TTI1: variants seen among roughly 807,000 people sequenced by gnomAD.
TTI1 encodes the protein TELO2-interacting protein 1 homolog.
A neutral mutation model predicts 85.4 loss-of-function variants in TTI1; 52 were observed. That is an observed-to-expected ratio of 0.61 (90% CI 0.49 to 0.77). The LOEUF is 0.77. TTI1 is among the 30% of genes least tolerant of loss of function. The pLI, the probability that TTI1 is intolerant of heterozygous loss-of-function variation, is 0.00. For missense variants in TTI1, 1,173 were observed against 1,296.0 expected, an observed-to-expected ratio of 0.91 and a Z score of 1.46; for synonymous variants, 512 against 503.9, an observed-to-expected ratio of 1.02 and a Z score of -0.22.
chr20:37,987,150 C>A (rs1568606426), intron 7 of TTI1: 1 of 456,736 alleles, frequency 2.2e-6, no homozygotes, highest in East Asian at 6.9e-5. Context: ...GAGCCTGAGG[C>A]CCAGGAGGTC....
At chr20:38,027,313 T>A (rs1180412734) in intron 1 of TTI1, among the ~76,000 whole-genome samples, 1 of 152,180 alleles carries the variant, frequency 6.6e-6, no homozygotes, top group Non-Finnish European at 1.5e-5. Flanking sequence ...ACAATGCAAA[T>A]GTTATGTAAA....
intron 2 of TTI1, among the ~76,000 whole-genome samples, chr20:38,006,700 G>A (rs1454183138): frequency 6.6e-6 from 1 of 152,154 alleles, no homozygotes; most frequent in African/African-American, 2.4e-5. Context: ...GAACTTGCCC[G>A]ATAAGGCCCT....
chr20:38,006,421 T>G, intron 2 of TTI1, 24 bp from the exon 3 acceptor site: 3 of 1,613,318 alleles, frequency 1.9e-6, no homozygotes, highest in Non-Finnish European at 2.5e-6. Context: ...GTTACAATGA[T>G]CACCTTGGCT....
Position 38,011,751 on chromosome 20 carries a change from TGC to T in TTI1, c.2064_2065del (p.His689ProfsTer40). The T allele has an allele frequency of 6.2e-7, 1 of 1,614,164 alleles. No individual in the cohort carries two copies. Among genetic ancestry groups the T allele is most frequent in the South Asian group, 1.1e-5 (1 of 91,090 alleles). Reference sequence around the variant, plus strand: ...ATAGTCTGAATTTTGATTGATCAGGTGCTGCAGGGAGTCGTAGCCACAAGCAC... The same window carrying T: ...ATAGTCTGAATTTTGATTGATCAGGTTGCAGGGAGTCGTAGCCACAAGCAC... On this transcript the variant is annotated frameshift_variant, in exon 2 of 8. Coordinates refer to ENST00000373447, the MANE Select transcript of TTI1 (RefSeq NM_001303457.2). LOFTEE classifies it high-confidence loss of function.
chr20:38,030,866 A>G (rs960772630), intron 1 of TTI1, among the ~76,000 whole-genome samples: 5 of 152,212 alleles, frequency 3.3e-5, no homozygotes, highest in African/African-American at 9.7e-5. Context: ...CCAAATGGAC[A>G]TGTCCAAATA....
At chr20:37,988,070 G>A (rs1600600403) in intron 7 of TTI1, among the ~76,000 whole-genome samples, 1 of 152,332 alleles carries the variant, frequency 6.6e-6, no homozygotes, top group African/African-American at 2.4e-5. Context: ...TGAGGTGCTT[G>A]AGGCACAAAG....
At chr20:38,025,192 T>C (rs2073820786) in intron 1 of TTI1, among the ~76,000 whole-genome samples, 1 of 152,122 alleles carries the variant, frequency 6.6e-6, no homozygotes, top group Admixed American at 6.5e-5. Flanking sequence ...TCAACAGATG[T>C]CTCAGAACAT....
intron 2 of TTI1, among the ~76,000 whole-genome samples, chr20:38,010,766 G>A (rs886207130): frequency 2.6e-5 from 4 of 152,058 alleles, no homozygotes; most frequent in South Asian, 2.1e-4. Context: ...ATGAGCCACC[G>A]CCCCCAGCCA....
chr20:37,999,405 A>G (rs2073389151), intron 4 of TTI1, 77 bp from the exon 5 acceptor site: 1 of 1,317,490 alleles, frequency 7.6e-7, no homozygotes. Flanking sequence ...TTTTCAAAGA[A>G]TAACATTTAG....
At chr20:38,010,620 G>A (rs945436038) in intron 2 of TTI1, among the ~76,000 whole-genome samples, 11 of 150,964 alleles carry the variant, frequency 7.3e-5, no homozygotes, top group East Asian at 3.9e-4. Context: ...ACAGGCGCCC[G>A]CCACCACGTC....
chr20:38,005,330 G>T (rs558194227), intron 3 of TTI1, among the ~76,000 whole-genome samples: 1 of 152,168 alleles, frequency 6.6e-6, no homozygotes, highest in South Asian at 2.1e-4. Flanking sequence ...TAATCCTTCC[G>T]TGACCTGAAG....
chr20:38,019,771 TTAC>T (rs2073737232), intron 1 of TTI1, among the ~76,000 whole-genome samples: 1 of 152,214 alleles, frequency 6.6e-6, no homozygotes, highest in South Asian at 2.1e-4. Flanking sequence ...GGTGGGATAA[TTAC>T]TTGTTGGTGG....
intron 7 of TTI1, among the ~76,000 whole-genome samples, chr20:37,988,841 C>T (rs961656244): frequency 2.6e-5 from 4 of 152,170 alleles, no homozygotes; most frequent in Non-Finnish European, 4.4e-5. Context: ...CCCGTTGTTC[C>T]CTCTCTGGCA....
At chr20:38,018,314 A>G (rs2073713362) in intron 1 of TTI1, among the ~76,000 whole-genome samples, 1 of 152,224 alleles carries the variant, frequency 6.6e-6, no homozygotes, top group South Asian at 2.1e-4. Context: ...GATACTTTAG[A>G]ACTGAGAACT....
At chr20:38,025,005 C>G (rs1180548339) in intron 1 of TTI1, among the ~76,000 whole-genome samples, 1 of 152,166 alleles carries the variant, frequency 6.6e-6, no homozygotes, top group African/African-American at 2.4e-5. Context: ...TACACCTCCA[C>G]TCAGCAGTAG....
rs183238451 is a variant in TTI1 at position 38,026,663 on chromosome 20, A to T, written c.-42+6741T>A. ...AATTTGTCACCAGCCGACTTACTGT[A>T]AAAGAATGGCTAAAGAAAGTTCTCT... On this transcript the variant is annotated intron_variant, in intron 1 of 7. Coordinates refer to ENST00000373447, the MANE Select transcript of TTI1 (RefSeq NM_001303457.2). Among the ~76,000 whole-genome samples, 475 of 152,344 alleles carry T rather than the reference A, an allele frequency of 3.1e-3. 1 individual carries two copies. Among genetic ancestry groups the T allele is most frequent in the African/African-American group, 0.011 (449 of 41,574 alleles).
At chr20:38,031,081 C>T (rs1462126044) in intron 1 of TTI1, among the ~76,000 whole-genome samples, 2 of 152,210 alleles carry the variant, frequency 1.3e-5, no homozygotes, top group East Asian at 3.8e-4. Flanking sequence ...ACCACTTCCA[C>T]AGATACCACC....
chr20:38,031,922 TAGAC>T (rs1371675479), intron 1 of TTI1, among the ~76,000 whole-genome samples: 3 of 152,232 alleles, frequency 2.0e-5, no homozygotes, highest in East Asian at 1.9e-4. Context: ...ATGTGCTTAA[TAGAC>T]AGTGACTTGG....
chr20:38,014,681 A>C (rs2073655889), intron 1 of TTI1, among the ~76,000 whole-genome samples: 1 of 152,200 alleles, frequency 6.6e-6, no homozygotes, highest in Admixed American at 6.5e-5. Context: ...GGATGGAAAG[A>C]TGGACAGCAG....
Sources: allele counts gnomAD v4.1 joint callset (sites outside exome capture counted in the v4.1 genomes callset), GRCh38; gene constraint gnomAD v4.1.1; transcripts MANE v1.5; gene names NCBI Gene and HGNC (gene_info 2026-07-23, HGNC 2026-07-21).